The following DAB1 variants were observed in gnomAD, a reference collection of about 807,000 sequenced individuals.
DAB1 encodes DAB adaptor protein 1, also known as disabled homolog 1.
DAB1 carries 15 observed loss-of-function variants against 64.6 expected under a neutral mutation model. The ratio of observed to expected loss-of-function variants is 0.23; its 90% CI spans 0.16 to 0.36. DAB1 has a LOEUF of 0.36. Ranked by LOEUF, DAB1 falls within the 10% of genes least tolerant of loss-of-function variation. The probability of loss-of-function intolerance (pLI) is 1.00; values close to 1 mark genes in which losing one functional copy is unlikely to be tolerated. For missense variants in DAB1, 596 were observed against 706.7 expected (o/e 0.84, Z 1.78); for synonymous variants, 235 against 251.9 (o/e 0.93, Z 0.64).
chr1:57,944,027 A>T (rs776501480), intron 5 of DAB1, among the ~76,000 whole-genome samples: 1 of 152,164 alleles, frequency 6.6e-6, no homozygotes, highest in Non-Finnish European at 1.5e-5. Flanking sequence ...TCTAAAACAC[A>T]AATTAACTGT....
chr1:57,256,700 T>C (rs540004718), intron 2 of DAB1, among the ~76,000 whole-genome samples: 2 of 152,360 alleles, frequency 1.3e-5, no homozygotes, highest in Admixed American at 1.3e-4. Flanking sequence ...CCTTGAATAA[T>C]ATTGCCAGTT....
chr1:58,137,882 A>G (rs1481218612), intron 5 of DAB1, among the ~76,000 whole-genome samples: 1 of 152,196 alleles, frequency 6.6e-6, no homozygotes, highest in African/African-American at 2.4e-5. Context: ...TTCAGCTGGA[A>G]GTGCTTCTAA....
intron 5 of DAB1, among the ~76,000 whole-genome samples, chr1:58,127,300 G>A (rs1653176549): frequency 6.6e-6 from 1 of 152,082 alleles, no homozygotes; most frequent in Non-Finnish European, 1.5e-5. Flanking sequence ...ACTTTTTGAT[G>A]GGGTTGTTTG....
intron 14 of DAB1, among the ~76,000 whole-genome samples, chr1:57,002,308 C>T (rs778725627): frequency 5.9e-5 from 9 of 152,132 alleles, no homozygotes; most frequent in Non-Finnish European, 1.2e-4. Flanking sequence ...GCAAAGACCA[C>T]CAGGGACACA....
chr1:57,236,950 A>G (rs1668129021), intron 2 of DAB1, among the ~76,000 whole-genome samples: 1 of 152,212 alleles, frequency 6.6e-6, no homozygotes, highest in Admixed American at 6.5e-5. Context: ...AAGCAGTTAA[A>G]ATGTGGCAAG....
intron 4 of DAB1, among the ~76,000 whole-genome samples, chr1:58,225,640 G>T (rs968121885): frequency 1.4e-4 from 21 of 152,052 alleles, no homozygotes; most frequent in African/African-American, 4.8e-4. Context: ...CCATAAAAAA[G>T]GATGAGTTCA....
chr1:57,431,163 A>AAAAAAAAC (rs1685499478), intron 7 of DAB1, among the ~76,000 whole-genome samples: 1 of 148,732 alleles, frequency 6.7e-6, no homozygotes, highest in Non-Finnish European at 1.5e-5. Context: ...AAAAAGAAAA[A>AAAAAAAAC]CAAAAAAAAA....
chr1:57,760,368 G>C (rs565477650), intron 6 of DAB1, among the ~76,000 whole-genome samples: 18 of 152,054 alleles, frequency 1.2e-4, no homozygotes, highest in Non-Finnish European at 2.4e-4. Flanking sequence ...GAATTTAAAA[G>C]CTGTCAAATA....
At chr1:57,523,247 G>A (rs1276065925) in intron 7 of DAB1, among the ~76,000 whole-genome samples, 1 of 152,136 alleles carries the variant, frequency 6.6e-6, no homozygotes, top group Non-Finnish European at 1.5e-5. Context: ...ACAGATTAAG[G>A]ACTCTTCTAC....
chr1:57,476,263 AC>A (rs1308942972), intron 7 of DAB1, among the ~76,000 whole-genome samples: 6 of 151,410 alleles, frequency 4.0e-5, no homozygotes, highest in African/African-American at 1.5e-4. Context: ...ACAAAAAAAA[AC>A]CAGTATAGTC....
intron 4 of DAB1, among the ~76,000 whole-genome samples, chr1:58,326,250 C>G (rs1050232444): frequency 2.6e-5 from 4 of 152,210 alleles, no homozygotes; most frequent in Non-Finnish European, 5.9e-5. Flanking sequence ...TCAAGATGCT[C>G]TCTTTCAGAT....
At chr1:57,204,451 T>A (rs1162918530) in intron 2 of DAB1, among the ~76,000 whole-genome samples, 7 of 127,592 alleles carry the variant, frequency 5.5e-5, no homozygotes, top group South Asian at 2.7e-4. Context: ...GGTCTAGATT[T>A]AAAAAAAAAA....
chr1:57,262,272 G>A (rs1558046279), intron 2 of DAB1, among the ~76,000 whole-genome samples: 2 of 152,182 alleles, frequency 1.3e-5, no homozygotes, highest in Admixed American at 6.5e-5. Flanking sequence ...TGTGGCAGAG[G>A]CCACATTTGA....
At chr1:57,083,068 T>C (rs1042876818) in intron 4 of DAB1, among the ~76,000 whole-genome samples, 2 of 152,158 alleles carry the variant, frequency 1.3e-5, no homozygotes, top group Non-Finnish European at 2.9e-5. Context: ...GGGGAGGTGT[T>C]GCTATGCATA....
At chr1:58,220,216 T>C (rs1220613387) in intron 4 of DAB1, among the ~76,000 whole-genome samples, 1 of 152,002 alleles carries the variant, frequency 6.6e-6, no homozygotes, top group Admixed American at 6.6e-5. Flanking sequence ...GTAGAAAGAG[T>C]GATCAGTGAA....
At chr1:57,948,237 A>G (rs1342297849) in intron 5 of DAB1, among the ~76,000 whole-genome samples, 1 of 152,248 alleles carries the variant, frequency 6.6e-6, no homozygotes, top group Non-Finnish European at 1.5e-5. Flanking sequence ...GTGTAACTGA[A>G]CACACAATCA....
intron 5 of DAB1, among the ~76,000 whole-genome samples, chr1:57,917,975 G>C (rs1285661186): frequency 6.6e-6 from 1 of 152,020 alleles, no homozygotes; most frequent in Non-Finnish European, 1.5e-5. Flanking sequence ...GGCTGAGGCA[G>C]AAGAATCCTT....
intron 3 of DAB1, among the ~76,000 whole-genome samples, chr1:58,480,466 CA>C (rs1301332192): frequency 2.0e-5 from 3 of 152,096 alleles, no homozygotes; most frequent in Non-Finnish European, 4.4e-5. Flanking sequence ...GCATTTTCTC[CA>C]GTCATCCACA....
intron 5 of DAB1, among the ~76,000 whole-genome samples, chr1:57,925,315 T>A (rs1644864089): frequency 6.6e-6 from 1 of 152,228 alleles, no homozygotes; most frequent in Non-Finnish European, 1.5e-5. Context: ...ATGAGAACCT[T>A]TTCAAGCCAC....
Sources: allele counts gnomAD v4.1 joint callset (sites outside exome capture counted in the v4.1 genomes callset), GRCh38; gene constraint gnomAD v4.1.1; transcripts MANE v1.5; gene names NCBI Gene and HGNC (gene_info 2026-07-23, HGNC 2026-07-21).